Variants in FBXO11 observed in about 807,000 individuals in gnomAD.
FBXO11 encodes F-box protein 11.
A neutral mutation model predicts 117.0 loss-of-function variants in FBXO11; 13 were observed. The observed-to-expected ratio is 0.11, with a 90% CI of 0.07 to 0.18. The LOEUF (loss-of-function observed/expected upper bound fraction) is 0.18, where lower values mean the gene tolerates loss of function less well. Ranked by LOEUF, FBXO11 falls within the 10% of genes least tolerant of loss-of-function variation. FBXO11 has a pLI of 1.00. For synonymous variants in FBXO11, 490 were observed against 380.5 expected (o/e 1.29, Z -3.35); for missense variants, 767 against 1,164.4 (o/e 0.66, Z 4.97).
At chr2:47,824,409 T>G (rs1478808663) in intron 11 of FBXO11, among the ~76,000 whole-genome samples, 1 of 152,146 alleles carries the variant, frequency 6.6e-6, no homozygotes, top group Non-Finnish European at 1.5e-5. Context: ...GGAGGACTGT[T>G]TGAGCCTGGG....
chr2:47,811,790 T>C (rs1393881923), intron 18 of FBXO11: 2 of 152,214 alleles, frequency 1.3e-5, no homozygotes, highest in Non-Finnish European at 2.9e-5. Context: ...ACCCTTTTTA[T>C]AGAGATACGG....
rs563532314 is a variant in FBXO11, at chr2:47,826,278, C to T, written c.1399-2918G>A. Reference sequence around the variant, plus strand: ...TTCACCATGTCAGCCAGGATGGTCTCGATCTCCTAACCTCGTGATCCACCC... The same window carrying T: ...TTCACCATGTCAGCCAGGATGGTCTTGATCTCCTAACCTCGTGATCCACCC... On this transcript the variant is annotated intron_variant, in intron 11 of 22. Coordinates refer to ENST00000403359, the MANE Select transcript of FBXO11 (RefSeq NM_001190274.2). Among the ~76,000 whole-genome samples, 277 of 151,388 alleles carry T rather than the reference C, an allele frequency of 1.8e-3. 1 individual carries two copies. The highest frequency in any genetic ancestry group is 3.9e-3 in the Admixed American group (59 of 15,218).
At chr2:47,826,339 G>C (rs998751905) in intron 11 of FBXO11, among the ~76,000 whole-genome samples, 1 of 152,140 alleles carries the variant, frequency 6.6e-6, no homozygotes, top group African/African-American at 2.4e-5. Flanking sequence ...TTACAGGTGT[G>C]AGCCACCGCG....
At chr2:47,889,875 A>G (rs759413365) in intron 1 of FBXO11, among the ~76,000 whole-genome samples, 1 of 152,208 alleles carries the variant, frequency 6.6e-6, no homozygotes, top group Non-Finnish European at 1.5e-5. Context: ...GTACATTTGC[A>G]TACTAAATTT....
intron 1 of FBXO11, among the ~76,000 whole-genome samples, chr2:47,850,602 A>G (rs1673786577): frequency 6.6e-6 from 1 of 152,234 alleles, no homozygotes; most frequent in African/African-American, 2.4e-5. Context: ...TCTATATAGA[A>G]AATGTCCACA....
intron 1 of FBXO11, among the ~76,000 whole-genome samples, chr2:47,876,408 T>G (rs1018780986): frequency 2.6e-5 from 4 of 152,254 alleles, no homozygotes; most frequent in Non-Finnish European, 5.9e-5. Context: ...CTATTCTTGC[T>G]GAAGTACAAT....
chr2:47,850,265 G>A (rs1055679530), intron 1 of FBXO11, among the ~76,000 whole-genome samples: 3 of 152,050 alleles, frequency 2.0e-5, no homozygotes, highest in African/African-American at 7.2e-5. Context: ...GATTGAAGGT[G>A]GGGAAAAAAG....
rs1678753372 is a variant in FBXO11 at position 47,905,649 on chromosome 2, CTGCTGT to C, written c.66_71del (p.Gln25_Gln26del). ...GCGGCGGCTGCTGCGGGGGCTGCTG[CTGCTGT>C]TGCTGCACCGGGCGCGGCCGCGACA... On this transcript the variant is annotated inframe_deletion, in exon 1 of 23. Transcript: ENST00000403359. The C allele has an allele frequency of 5.5e-6, 8 of 1,459,910 alleles. No individual in the cohort carries two copies. The highest frequency in any genetic ancestry group is 2.3e-5 in the Admixed American group (1 of 43,150). 90.4% of individuals were successfully genotyped at this position (1,459,910 alleles called of 1,614,324 possible). A position where few individuals can be genotyped will look rare whatever the true frequency, so the allele number is the denominator to read the frequency against.
At position 47,807,996 on chromosome 2, in the gene FBXO11, T is replaced by C. The variant is rs138371633; in HGVS notation, c.*122A>G. ...TGAGCTTCATAGTGTCAACTGACCT[T>C]GTGTATCCATTTTTAATACAGTCTC... On this transcript the variant is annotated 3_prime_UTR_variant, in exon 23 of 23. Coordinates refer to ENST00000403359, the MANE Select transcript of FBXO11 (RefSeq NM_001190274.2). 379 of 873,550 alleles carry C rather than the reference T, an allele frequency of 4.3e-4. 4 individuals carry two copies. The highest frequency in any genetic ancestry group is 3.8e-3 in the South Asian group (224 of 59,312). The allele number at this position is 873,550 out of a possible 1,614,324, so 54.1% of individuals were successfully genotyped here.
intron 1 of FBXO11, among the ~76,000 whole-genome samples, chr2:47,868,282 CAAAAAAAAAAA>C (rs371849610): frequency 1.2e-5 from 1 of 80,550 alleles, no homozygotes; most frequent in Non-Finnish European, 2.3e-5. Context: ...ACTCTACCTC[CAAAAAAAAAAA>C]AAAAAAAAAG....
At chr2:47,845,998 A>C (rs1673378304) in intron 1 of FBXO11, among the ~76,000 whole-genome samples, 2 of 152,204 alleles carry the variant, frequency 1.3e-5, no homozygotes, top group South Asian at 4.1e-4. Flanking sequence ...AATTATGGAG[A>C]AGTATTCCCC....
chr2:47,905,625 C>T lies in FBXO11; in HGVS notation c.96G>A (p.Pro32=), dbSNP rs1271530155. The part of the protein sequence containing the change: ...QQQQQPPQQP[P]PQPPQQQPPQ... Reference sequence around the variant, plus strand: ...GCGGCTGCTGCTGGGGCGGCTGCGGCGGCGGCTGCTGCGGGGGCTGCTGCT... The same window carrying T: ...GCGGCTGCTGCTGGGGCGGCTGCGGTGGCGGCTGCTGCGGGGGCTGCTGCT... Residue 32 remains proline (P), a synonymous_variant, in exon 1 of 23, where the codon CCG becomes CCA. Transcript: ENST00000403359. The T allele has an allele frequency of 3.9e-5, 54 of 1,382,820 alleles. No individual in the cohort carries two copies. In the African/African-American group the frequency reaches 6.8e-4, roughly 17 times the overall value. 85.7% of individuals were successfully genotyped at this position (1,382,820 alleles called of 1,614,324 possible).
chr2:47,889,663 A>AT (rs2103970563), intron 1 of FBXO11, among the ~76,000 whole-genome samples: 1 of 151,820 alleles, frequency 6.6e-6, no homozygotes, highest in East Asian at 1.9e-4. Flanking sequence ...TAATGATGAA[A>AT]TTATTTCCCT....
At chr2:47,820,563 CCATTA>C in intron 13 of FBXO11, 107 bp from the exon 14 acceptor site, 1 of 755,444 alleles carries the variant, frequency 1.3e-6, no homozygotes, top group Non-Finnish European at 2.2e-6. Flanking sequence ...ATTTTAGTGA[CCATTA>C]CAAGACAAAA....
At chr2:47,855,263 T>C (rs1252960152) in intron 1 of FBXO11, among the ~76,000 whole-genome samples, 1 of 151,828 alleles carries the variant, frequency 6.6e-6, no homozygotes, top group African/African-American at 2.4e-5. Context: ...TGCAGTGGCA[T>C]GATCACAGCT....
intron 16 of FBXO11, among the ~76,000 whole-genome samples, chr2:47,815,738 C>T (rs779400557): frequency 3.3e-5 from 5 of 152,162 alleles, no homozygotes; most frequent in South Asian, 2.1e-4. Context: ...CAGCTGAGGG[C>T]GTAAGAATCC....
chr2:47,840,181 G>A lies in FBXO11; in HGVS notation c.233-412C>T, dbSNP rs560328603. Among the ~76,000 whole-genome samples, 5 of 151,982 alleles carry A rather than the reference G, an allele frequency of 3.3e-5. No individual in the cohort carries two copies. The South Asian group carries it at 1.0e-3, about 32-fold the overall frequency. ...GATGGTCTTGATCTCCTGACCTCGT[G>A]ATCCACTCACCTCGGCCTCCCAAAG... On this transcript the variant is annotated intron_variant, in intron 1 of 22. Transcript: ENST00000403359.
intron 1 of FBXO11, among the ~76,000 whole-genome samples, chr2:47,845,931 C>T (rs1673372833): frequency 6.6e-6 from 1 of 151,534 alleles, no homozygotes; most frequent in Admixed American, 6.6e-5. Flanking sequence ...TTCCTTCCAA[C>T]ATCCAAATCC....
At chr2:47,881,515 G>A (rs2103906066) in intron 1 of FBXO11, among the ~76,000 whole-genome samples, 1 of 152,104 alleles carries the variant, frequency 6.6e-6, no homozygotes, top group Non-Finnish European at 1.5e-5. Context: ...TTAATCAATA[G>A]TATTGAAACT....
Sources: gnomAD v4.1 joint callset for allele counts (sites outside exome capture counted in the v4.1 genomes callset) on GRCh38, gnomAD v4.1.1 for gene constraint, MANE v1.5 for transcripts, NCBI Gene and HGNC (gene_info 2026-07-23, HGNC 2026-07-21) for gene names.